Variants in PHLDB2 observed in about 807,000 individuals in gnomAD.
The protein encoded by PHLDB2 is pleckstrin homology-like domain family B member 2.
PHLDB2 carries 71 observed loss-of-function variants against 123.6 expected under a neutral mutation model. The ratio of observed to expected loss-of-function variants is 0.57; its 90% confidence interval spans 0.47 to 0.70. The LOEUF is 0.70. PHLDB2 is among the 30% of genes least tolerant of loss of function. PHLDB2 has a pLI of 0.00. For missense variants in PHLDB2, 1,446 were observed against 1,519.5 expected (o/e 0.95, Z 0.80); for synonymous variants, 547 against 541.6 (o/e 1.01, Z -0.14).
intron 1 of PHLDB2, among the ~76,000 whole-genome samples, chr3:111,801,498 T>G (rs2061375902): frequency 6.6e-6 from 1 of 152,210 alleles, no homozygotes; most frequent in Non-Finnish European, 1.5e-5. Context: ...GTTAATAAAT[T>G]TGTGCCTTTA....
At chr3:111,882,729 A>T (rs1181311229) in intron 1 of PHLDB2, among the ~76,000 whole-genome samples, 1 of 152,204 alleles carries the variant, frequency 6.6e-6, no homozygotes, top group African/African-American at 2.4e-5. Flanking sequence ...ATAAAGAAGC[A>T]GCTCTTTACT....
intron 1 of PHLDB2, among the ~76,000 whole-genome samples, chr3:111,733,716 C>G (rs1941583530): frequency 6.6e-6 from 1 of 152,106 alleles, no homozygotes; most frequent in South Asian, 2.1e-4. Flanking sequence ...GAAATTTTCC[C>G]CTTCAAGTCT....
rs72938222 is a variant in PHLDB2, at chr3:111,839,047, G to A, written c.-48-6774G>A. On this transcript the variant is annotated intron_variant, in intron 1 of 17. Transcript: ENST00000393923. Reference sequence around the variant, plus strand: ...CTTCCAGATTTCTCTACACACTCAAGCAATTATTCATTTTATATGTCTGGC... The same window carrying A: ...CTTCCAGATTTCTCTACACACTCAAACAATTATTCATTTTATATGTCTGGC... 5.2e-3 allele frequency among the ~76,000 whole-genome samples: 792 copies of A among 152,168 alleles called. 10 individuals carry two copies. The highest frequency in any genetic ancestry group is 0.018 in the African/African-American group (754 of 41,516).
At chr3:111,859,721 A>G in intron 1 of PHLDB2, 145 bp downstream of exon 1, 3 of 984,278 alleles carry the variant, frequency 3.0e-6, no homozygotes, top group Non-Finnish European at 3.6e-6. Context: ...GAGAGGAGGC[A>G]GTGGCTGCCC....
At chr3:111,885,724 A>G in intron 2 of PHLDB2, 1 of 614,118 alleles carries the variant, frequency 1.6e-6, no homozygotes, top group African/African-American at 1.8e-5. Context: ...AGTCTTACAA[A>G]CTTCTCTTTA....
At chr3:111,751,912 C>T (rs919817700) in intron 1 of PHLDB2, among the ~76,000 whole-genome samples, 1 of 152,132 alleles carries the variant, frequency 6.6e-6, no homozygotes, top group Non-Finnish European at 1.5e-5. Flanking sequence ...GAAAAGGAGA[C>T]TCTGAGCTGC....
At chr3:111,894,201 A>T (rs1217583432) in intron 2 of PHLDB2, among the ~76,000 whole-genome samples, 13 of 151,044 alleles carry the variant, frequency 8.6e-5, no homozygotes, top group Admixed American at 2.0e-4. Flanking sequence ...GAGAATGATG[A>T]TTTCCAATTT....
At chr3:111,941,289 TA>T (rs1487819944) in intron 8 of PHLDB2, among the ~76,000 whole-genome samples, 5 of 152,164 alleles carry the variant, frequency 3.3e-5, no homozygotes, top group Admixed American at 3.3e-4. Context: ...ATGACCCCGG[TA>T]TCATTTCAGC....
At chr3:111,887,227 G>A (rs2066225961) in intron 2 of PHLDB2, among the ~76,000 whole-genome samples, 1 of 152,152 alleles carries the variant, frequency 6.6e-6, no homozygotes, top group Admixed American at 6.5e-5. Context: ...GTAAGGTTGG[G>A]CCTGTTAAGT....
chr3:111,824,783 G>T (rs2062573872), intron 1 of PHLDB2, among the ~76,000 whole-genome samples: 1 of 152,202 alleles, frequency 6.6e-6, no homozygotes, highest in African/African-American at 2.4e-5. Context: ...ACAAACTTGT[G>T]GCTGAAAGTA....
rs530594157 is a variant in PHLDB2, at chr3:111,883,951, G to T, written c.-14-113G>T. On this transcript the variant is annotated intron_variant, in intron 1 of 17. Transcript: ENST00000431670. ...TTTTAGTAAAACTGAGTTTGTGTTT[G>T]TTAGTTGCATTAGGTCAGACTGCAA... is the stretch of plus-strand genomic sequence containing the variant. 49 of 960,102 alleles carry T rather than the reference G, an allele frequency of 5.1e-5. No homozygotes were observed. In the African/African-American group the frequency reaches 6.4e-4, roughly 12 times the overall value. 59.5% of individuals were successfully genotyped at this position (960,102 alleles called of 1,614,324 possible).
At chr3:111,740,301 A>C (rs955797283) in intron 1 of PHLDB2, among the ~76,000 whole-genome samples, 3 of 152,152 alleles carry the variant, frequency 2.0e-5, no homozygotes, top group Non-Finnish European at 4.4e-5. Flanking sequence ...CTTATGTCTC[A>C]GTTGCATTTA....
chr3:111,744,770 C>T (rs1350524518), intron 1 of PHLDB2, among the ~76,000 whole-genome samples: 4 of 152,106 alleles, frequency 2.6e-5, no homozygotes, highest in Non-Finnish European at 5.9e-5. Flanking sequence ...CTTAAAGAAA[C>T]GAGGATAACA....
chr3:111,737,676 C>A lies in PHLDB2; in HGVS notation c.-49+4973C>A, dbSNP rs187303031. Among the ~76,000 whole-genome samples the A allele has an allele frequency of 8.1e-4, 115 of 142,464 alleles. No homozygotes were observed. In the Middle Eastern group the frequency reaches 0.01, roughly 13 times the overall value. The allele number at this position is 142,464 out of a possible 152,430, so 93.5% of individuals were successfully genotyped here. On this transcript the variant is annotated intron_variant, in intron 1 of 17. Coordinates refer to the PHLDB2 transcript ENST00000393923. ...GCAATTTCACTGTGCACTGAGGTAA[C>A]CCCCACAAAGTCTTTTTTTTTTCAA...
chr3:111,781,979 AT>A (rs1465262417), intron 1 of PHLDB2, among the ~76,000 whole-genome samples: 1 of 152,010 alleles, frequency 6.6e-6, no homozygotes, highest in Non-Finnish European at 1.5e-5. Flanking sequence ...CAACCTGCCT[AT>A]TTTGAATTTG....
Position 111,935,036 on chromosome 3 carries a change from A to G in PHLDB2, c.2130+2639A>G, listed in dbSNP as rs575159281. Reference sequence around the variant, plus strand: ...ACAAGAAAACTGTCCCAGCCAGGTAACTGTCTTCTTGTGCTTTTGATATTT... The same window carrying G: ...ACAAGAAAACTGTCCCAGCCAGGTAGCTGTCTTCTTGTGCTTTTGATATTT... On this transcript the variant is annotated intron_variant, in intron 6 of 17. Transcript: ENST00000431670. Among the ~76,000 whole-genome samples the G allele has an allele frequency of 3.3e-5, 5 of 151,964 alleles. No individual in the cohort carries two copies. In the South Asian group the frequency reaches 8.3e-4, roughly 25 times the overall value.
intron 1 of PHLDB2, among the ~76,000 whole-genome samples, chr3:111,827,336 C>T (rs1052017858): frequency 2.0e-5 from 3 of 152,190 alleles, no homozygotes; most frequent in Admixed American, 1.3e-4. Context: ...GCTCTTACCA[C>T]ACCCGACTAC....
chr3:111,760,953 G>A (rs867734571), intron 1 of PHLDB2, among the ~76,000 whole-genome samples: 33 of 152,032 alleles, frequency 2.2e-4, no homozygotes, highest in African/African-American at 7.0e-4. Flanking sequence ...ATGGGAGGCC[G>A]AGGCGGGTGG....
intron 1 of PHLDB2, among the ~76,000 whole-genome samples, chr3:111,785,342 A>G (rs1468762157): frequency 6.6e-6 from 1 of 152,034 alleles, no homozygotes; most frequent in Non-Finnish European, 1.5e-5. Context: ...TTTTGCAAGC[A>G]TATTTCTGTT....
Sources: allele counts gnomAD v4.1 joint callset (sites outside exome capture counted in the v4.1 genomes callset), GRCh38; gene constraint gnomAD v4.1.1; transcripts MANE v1.5; gene names NCBI Gene and HGNC (gene_info 2026-07-23, HGNC 2026-07-21).